The following PAWR variants were observed in gnomAD, a reference collection of about 807,000 sequenced individuals.
The protein encoded by PAWR is PRKC apoptosis WT1 regulator protein.
In PAWR, 23 loss-of-function variants were observed where a neutral mutation model predicts 32.0. The ratio of observed to expected loss-of-function variants is 0.72; its 90% CI spans 0.52 to 1.02. PAWR has a LOEUF of 1.02. Among genes scored for constraint, PAWR ranks in the 50% least tolerant of loss-of-function variants. The pLI, the probability that PAWR is intolerant of heterozygous loss-of-function variation, is 0.00. For synonymous variants in PAWR, 226 were observed against 187.1 expected (o/e 1.21, Z -1.70); for missense variants, 457 against 437.7 (o/e 1.04, Z -0.39).
chr12:79,690,550 A>G, intron 1 of PAWR, 159 bp from the exon 2 acceptor site: 1 of 307,268 alleles, frequency 3.3e-6, no homozygotes, highest in Non-Finnish European at 5.9e-6. Flanking sequence ...AGTTTCTCCC[A>G]CGCACCTACA....
intron 4 of PAWR, among the ~76,000 whole-genome samples, chr12:79,607,918 G>A (rs539516985): frequency 2.6e-5 from 4 of 151,366 alleles, no homozygotes; most frequent in African/African-American, 7.3e-5. Flanking sequence ...GCATGGGGGC[G>A]CATGCCTGTA....
chr12:79,635,328 A>T (rs759745568), intron 2 of PAWR, among the ~76,000 whole-genome samples: 1 of 152,032 alleles, frequency 6.6e-6, no homozygotes, highest in Non-Finnish European at 1.5e-5. Flanking sequence ...ATAATACCTA[A>T]AAGGTATTAT....
chr12:79,671,123 TAAAAAAA>T (rs80196711), intron 2 of PAWR, among the ~76,000 whole-genome samples: 5 of 99,008 alleles, frequency 5.1e-5, no homozygotes, highest in African/African-American at 1.9e-4. Context: ...CCTTAGCACT[TAAAAAAA>T]AAAAAAAAAA....
At chr12:79,658,813 G>A (rs1373811526) in intron 2 of PAWR, among the ~76,000 whole-genome samples, 2 of 151,446 alleles carry the variant, frequency 1.3e-5, no homozygotes, top group African/African-American at 2.4e-5. Context: ...ACAGGCACCC[G>A]CCATGCCCAG....
At chr12:79,643,996 G>A (rs75307990) in intron 2 of PAWR, among the ~76,000 whole-genome samples, 267 of 152,162 alleles carry the variant, frequency 1.8e-3, no homozygotes, top group African/African-American at 5.7e-3. Context: ...TGAAGCAAAT[G>A]GTAAGACAAT....
In PAWR at chr12:79,602,213, G is replaced by A. The variant is rs370644161; in HGVS notation, c.684-5555C>T. Among the ~76,000 whole-genome samples the A allele has an allele frequency of 2.2e-4, 34 of 152,278 alleles. 1 individual carries two copies. Among genetic ancestry groups the A allele is most frequent in the African/African-American group, 8.2e-4 (34 of 41,558 alleles). On this transcript the variant is annotated intron_variant, in intron 4 of 6. Coordinates refer to ENST00000328827, the MANE Select transcript of PAWR (RefSeq NM_002583.4). ...ATGACTAAATAACTATTACACAGTA[G>A]TAGCTTTTAAATATTAATGCCTTAG...
chr12:79,664,674 G>C (rs1196500003), intron 2 of PAWR, among the ~76,000 whole-genome samples: 1 of 144,552 alleles, frequency 6.9e-6, no homozygotes, highest in East Asian at 2.0e-4. Flanking sequence ...GGGGAGGAGA[G>C]AGAGAGAGTG....
At chr12:79,620,494 T>C (rs1048040651) in intron 3 of PAWR, among the ~76,000 whole-genome samples, 1 of 152,064 alleles carries the variant, frequency 6.6e-6, no homozygotes, top group Non-Finnish European at 1.5e-5. Context: ...CTGAGCAGAA[T>C]GAAGAAGATT....
Position 79,690,000 on chromosome 12 carries a change from G to C in PAWR, c.245C>G (p.Ala82Gly). ...NLPGGAPAAP[A>G]VPGPGGVNCA... ...GTTCACGCCCCCGGGACCGGGGACGGCAGGTGCGGCCGGCGCGCCGCCCGG... is the reference window on the plus strand; with the variant it reads ...GTTCACGCCCCCGGGACCGGGGACGCCAGGTGCGGCCGGCGCGCCGCCCGG... The change falls in exon 2 of 7, where the codon GCC becomes GGC. Residue 82 changes from alanine to glycine, a missense_variant. Ala to Gly is a moderately conservative substitution (Grantham distance 60, BLOSUM62 0). Coordinates refer to ENST00000328827, the MANE Select transcript of PAWR (RefSeq NM_002583.4). 7.7e-7 allele frequency: 1 copy of C among 1,306,134 alleles called. No individual in the cohort carries two copies. The highest frequency in any genetic ancestry group is 2.4e-5 in the South Asian group (1 of 41,890). 80.9% of individuals were successfully genotyped at this position (1,306,134 alleles called of 1,614,324 possible). A position where few individuals can be genotyped will look rare whatever the true frequency, so the allele number is the denominator to read the frequency against.
chr12:79,639,797 G>A (rs147324074), intron 2 of PAWR, among the ~76,000 whole-genome samples: 4 of 135,914 alleles, frequency 2.9e-5, no homozygotes, highest in Admixed American at 1.4e-4. Context: ...GTAAATGAAT[G>A]AGATTTCCAT....
chr12:79,595,501 C>G (rs1169928249), intron 5 of PAWR, among the ~76,000 whole-genome samples: 1 of 152,244 alleles, frequency 6.6e-6, no homozygotes, highest in Non-Finnish European at 1.5e-5. Context: ...TTCTGGGCAA[C>G]TATCTTCAAA....
Position 79,621,118 on chromosome 12 carries a change from T to G in PAWR, c.606A>C (p.Glu202Asp). The G allele has an allele frequency of 6.2e-7, 1 of 1,609,188 alleles. No individual in the cohort carries two copies. The highest frequency in any genetic ancestry group is 8.5e-7 in the Non-Finnish European group (1 of 1,176,754). Residue 202 changes from glutamate to aspartate, a missense_variant, in exon 3 of 7, where the codon GAA (glutamate) becomes GAC (aspartate). Physicochemically the swap from Glu to Asp is conservative, Grantham distance 45. Transcript: ENST00000328827. ...TGCCTGGATCTAGTAAGTTTACAGC[T>G]TCATTCTGAATAGTGTTCTGTTGTG... Reference protein sequence around the residue: ...AITQQNTIQNEAVNLLDPGSS... With the variant: ...AITQQNTIQNDAVNLLDPGSS...
chr12:79,632,402 A>C (rs1875751459), intron 2 of PAWR, among the ~76,000 whole-genome samples: 2 of 128,018 alleles, frequency 1.6e-5, no homozygotes, highest in African/African-American at 6.1e-5. Context: ...TCTGTTGCCC[A>C]GGCTGGAGTG....
At chr12:79,635,665 A>C (rs1160047447) in intron 2 of PAWR, 3 of 152,156 alleles carry the variant, frequency 2.0e-5, no homozygotes, top group African/African-American at 7.2e-5. Flanking sequence ...ATTTTTAAAA[A>C]TTGCTTGCCA....
At chr12:79,674,712 CA>C (rs375569530) in intron 2 of PAWR, among the ~76,000 whole-genome samples, 10 of 143,954 alleles carry the variant, frequency 6.9e-5, no homozygotes, top group Admixed American at 1.4e-4. Context: ...ATCAATAAGC[CA>C]AAAAAAAAAT....
At chr12:79,616,935 T>C (rs1406254759) in intron 3 of PAWR, among the ~76,000 whole-genome samples, 4 of 152,216 alleles carry the variant, frequency 2.6e-5, no homozygotes, top group Non-Finnish European at 4.4e-5. Flanking sequence ...TTCTTGTATA[T>C]AGCTAATATT....
At chr12:79,677,670 T>C (rs529867545) in intron 2 of PAWR, among the ~76,000 whole-genome samples, 1 of 152,306 alleles carries the variant, frequency 6.6e-6, no homozygotes, top group South Asian at 2.1e-4. Context: ...GGTTTGGAGA[T>C]GCCCTTGAGT....
chr12:79,675,329 G>A (rs1450839519), intron 2 of PAWR, among the ~76,000 whole-genome samples: 1 of 152,054 alleles, frequency 6.6e-6, no homozygotes, highest in Non-Finnish European at 1.5e-5. Context: ...CAGTAAGCTA[G>A]GATCACGCCA....
intron 4 of PAWR, among the ~76,000 whole-genome samples, chr12:79,609,639 A>C (rs1874349370): frequency 6.6e-6 from 1 of 152,042 alleles, no homozygotes; most frequent in South Asian, 2.1e-4. Flanking sequence ...CACCAGGGAA[A>C]GATTATCTTC....
Sources: gnomAD v4.1 joint callset for allele counts (sites outside exome capture counted in the v4.1 genomes callset) on GRCh38, gnomAD v4.1.1 for gene constraint, MANE v1.5 for transcripts, NCBI Gene and HGNC (gene_info 2026-07-23, HGNC 2026-07-21) for gene names.